The following UBR2 variants were observed in gnomAD, a reference collection of about 807,000 sequenced individuals.
UBR2 encodes the protein ubiquitin protein ligase E3 component n-recognin 2.
UBR2 carries 92 observed loss-of-function variants against 247.9 expected under a neutral mutation model. The ratio of observed to expected loss-of-function variants is 0.37; its 90% CI spans 0.31 to 0.44. The LOEUF (loss-of-function observed/expected upper bound fraction) is 0.44, where lower values mean the gene tolerates loss of function less well. UBR2 is among the 20% of genes least tolerant of loss of function. UBR2 has a pLI of 1.00. For missense variants in UBR2, 1,613 were observed against 2,112.6 expected, an observed-to-expected ratio of 0.76 and a Z score of 4.64; for synonymous variants, 672 against 693.5, an observed-to-expected ratio of 0.97 and a Z score of 0.49.
At chr6:42,607,232 A>G (rs548448950) in intron 7 of UBR2, among the ~76,000 whole-genome samples, 97 of 150,110 alleles carry the variant, frequency 6.5e-4, no homozygotes, top group African/African-American at 2.3e-3. Context: ...CAGTGGTGCA[A>G]TCTCGGCTCA....
At chr6:42,662,095 C>G (rs1339996913) in intron 30 of UBR2, 89 bp from the exon 31 acceptor site, 2 of 819,144 alleles carry the variant, frequency 2.4e-6, no homozygotes, top group South Asian at 3.6e-5. Flanking sequence ...AAGTCTTTAT[C>G]AAGGATTTTA....
chr6:42,614,177 C>CA (rs1167450076), intron 8 of UBR2, among the ~76,000 whole-genome samples: 201 of 11,396 alleles, frequency 0.018, 9 homozygotes, highest in African/African-American at 0.05. Context: ...ACTCTGTCTC[C>CA]AAAAAAAAAA....
At chr6:42,608,420 G>C (rs1793853406) in intron 7 of UBR2, among the ~76,000 whole-genome samples, 1 of 152,122 alleles carries the variant, frequency 6.6e-6, no homozygotes, top group Admixed American at 6.5e-5. Flanking sequence ...GAGGCCAAGA[G>C]TTTGGGACCA....
chr6:42,607,761 C>A (rs1793809845), intron 7 of UBR2, among the ~76,000 whole-genome samples: 1 of 146,514 alleles, frequency 6.8e-6, no homozygotes, highest in Non-Finnish European at 1.5e-5. Flanking sequence ...CCCCCATTAT[C>A]CTTTCTCCTT....
At chr6:42,650,935 A>G (rs59110352) in intron 23 of UBR2, among the ~76,000 whole-genome samples, 2,331 of 152,182 alleles carry the variant, frequency 0.015, 47 homozygotes, top group African/African-American at 0.054. Flanking sequence ...ATTCCTAGGT[A>G]ATTAAATTTT....
In UBR2 at chr6:42,670,073, T is replaced by C. The variant is rs182169495; in HGVS notation, c.3882-19T>C. 214 of 1,612,566 alleles carry C rather than the reference T, an allele frequency of 1.3e-4. No homozygotes were observed. The highest frequency in any genetic ancestry group is 6.8e-4 in the Admixed American group (41 of 59,946). ...ATGTGCACATTGTTCTGAGCTAATT[T>C]TATACATGTTTACTTCAGGATCCCT... On this transcript the variant is annotated intron_variant, in intron 34 of 46. Coordinates refer to ENST00000372901, the MANE Select transcript of UBR2 (RefSeq NM_001363705.2).
At chr6:42,633,669 G>C (rs993462629) in intron 13 of UBR2, among the ~76,000 whole-genome samples, 1 of 151,796 alleles carries the variant, frequency 6.6e-6, no homozygotes, top group Non-Finnish European at 1.5e-5. Flanking sequence ...GGGATTACCG[G>C]CATGAGCCAC....
intron 2 of UBR2, among the ~76,000 whole-genome samples, chr6:42,580,364 AGCT>A (rs1274263697): frequency 3.3e-5 from 5 of 152,222 alleles, no homozygotes; most frequent in Admixed American, 3.3e-4. Flanking sequence ...CTTGGCATGT[AGCT>A]AGCTGCCTTT....
In UBR2 at chr6:42,594,989, G is replaced by T. The variant is rs371666548; in HGVS notation, c.531+685G>T. Reference sequence around the variant, plus strand: ...AATCTTTCAATGGTATGCTACAATAGATTATGTTTTATTATTTTTAATTGA... The same window carrying T: ...AATCTTTCAATGGTATGCTACAATATATTATGTTTTATTATTTTTAATTGA... On this transcript the variant is annotated intron_variant, in intron 4 of 46. Coordinates refer to ENST00000372901, the MANE Select transcript of UBR2 (RefSeq NM_001363705.2). 3.5e-4 allele frequency among the ~76,000 whole-genome samples: 54 copies of T among 152,120 alleles called. No individual in the cohort carries two copies. The East Asian group carries it at 8.3e-3, about 23-fold the overall frequency.
intron 1 of UBR2, among the ~76,000 whole-genome samples, chr6:42,565,958 GTT>G (rs965832750): frequency 6.6e-6 from 1 of 151,982 alleles, no homozygotes; most frequent in Non-Finnish European, 1.5e-5. Context: ...TCTGCCTTTC[GTT>G]TATCGGAGAT....
chr6:42,634,749 C>G (rs1315795880), intron 13 of UBR2, among the ~76,000 whole-genome samples: 2 of 152,240 alleles, frequency 1.3e-5, no homozygotes, highest in Non-Finnish European at 2.9e-5. Flanking sequence ...GCCACCATGT[C>G]TGGCCTGACT....
chr6:42,659,557 A>G lies in UBR2; in HGVS notation c.3243-99A>G. The stretch of plus-strand genomic sequence containing the variant: ...CACACACACACACACACACACACAC[A>G]CACACTACACACACACACACATACC... On this transcript the variant is annotated intron_variant, in intron 29 of 46. Coordinates refer to ENST00000372901, the MANE Select transcript of UBR2 (RefSeq NM_001363705.2). This position sits in a 1 kb window ranked among gnomAD's most constrained non-coding sequence, Gnocchi z 4.3. 1.3e-6 allele frequency: 1 copy of G among 763,402 alleles called. No individual in the cohort carries two copies. Among genetic ancestry groups the G allele is most frequent in the Non-Finnish European group, 2.1e-6 (1 of 479,242 alleles). 47.3% of individuals were successfully genotyped at this position (763,402 alleles called of 1,614,324 possible).
At chr6:42,615,923 C>A (rs1794513682) in intron 9 of UBR2, 79 bp from the exon 10 acceptor site, 1 of 1,082,364 alleles carries the variant, frequency 9.2e-7, no homozygotes, top group East Asian at 2.7e-5. Flanking sequence ...CAAAAAAAAC[C>A]CACTGTGGAT....
chr6:42,635,126 A>C (rs1187459729), intron 13 of UBR2, among the ~76,000 whole-genome samples: 1 of 152,210 alleles, frequency 6.6e-6, no homozygotes, highest in Non-Finnish European at 1.5e-5. Context: ...CTAAAAAGGA[A>C]GGATTATTGC....
Position 42,662,247 on chromosome 6 carries a change from G to C in UBR2, c.3506G>C (p.Gly1169Ala). Residue 1169 changes from glycine (G) to alanine (A), a missense_variant, in exon 31 of 47, where the codon GGG becomes GCG. Gly to Ala is a moderately conservative substitution (Grantham distance 60). Around this residue, in one of 3 missense-constraint regions of UBR2, gnomAD observed 1,524 missense variants for 1,967.3 expected, o/e 0.77. Transcript: ENST00000372901. Reference sequence around the variant, plus strand: ...TGTGGAACACACACTAGTAGCTGTGGGCACATTATGCATGCCCATTGTTGG... The same window carrying C: ...TGTGGAACACACACTAGTAGCTGTGCGCACATTATGCATGCCCATTGTTGG... ...LSCGTHTSSC[G>A]HIMHAHCWQR... 4 of 1,609,938 alleles carry C rather than the reference G, an allele frequency of 2.5e-6. No individual in the cohort carries two copies. The highest frequency in any genetic ancestry group is 3.4e-6 in the Non-Finnish European group (4 of 1,178,018).
Position 42,658,004 on chromosome 6 carries a change from CT to C in UBR2, c.2873-16del. 1.3e-6 allele frequency: 2 copies of C among 1,577,100 alleles called. No individual in the cohort carries two copies. Among genetic ancestry groups the C allele is most frequent in the Non-Finnish European group, 1.7e-6 (2 of 1,148,440 alleles). The stretch of plus-strand genomic sequence containing the variant: ...GAAGTATTAGCTATTGTTATTGTGC[CT>C]TTTATTTTTCTGCCGTAGAACCTGG... On this transcript the variant is annotated intron_variant, in intron 26 of 46. Transcript: ENST00000372901.
intron 8 of UBR2, among the ~76,000 whole-genome samples, chr6:42,613,403 C>G (rs932997708): frequency 6.6e-6 from 1 of 152,078 alleles, no homozygotes; most frequent in Non-Finnish European, 1.5e-5. Flanking sequence ...TAAGAGAACG[C>G]GTTTACTTTA....
chr6:42,612,442 A>G (rs1794149127), intron 8 of UBR2, 151 bp downstream of exon 8: 1 of 1,013,926 alleles, frequency 9.9e-7, no homozygotes, highest in East Asian at 2.7e-5. Context: ...TATGCATAGA[A>G]GAAAACCTAT....
intron 11 of UBR2, chr6:42,619,817 A>T: frequency 2.6e-6 from 1 of 388,642 alleles, no homozygotes; most frequent in Non-Finnish European, 3.5e-6. Flanking sequence ...ACCTGGGCTT[A>T]GGCAATCCTC....
Sources: allele counts gnomAD v4.1 joint callset (sites outside exome capture counted in the v4.1 genomes callset), GRCh38; gene constraint gnomAD v4.1.1; regional missense constraint gnomAD v4.1.1; non-coding constraint Gnocchi (gnomAD v3.1); transcripts MANE v1.5; gene names NCBI Gene and HGNC (gene_info 2026-07-23, HGNC 2026-07-21).